The following TRPM6 variants were observed in gnomAD, a reference collection of about 807,000 sequenced individuals.
TRPM6 encodes the protein channel kinase 2.
Under a neutral mutation model 247.6 loss-of-function variants are expected in TRPM6, and 111 were observed. The observed-to-expected ratio is 0.45, with a 90% CI of 0.38 to 0.52. The LOEUF is 0.52. TRPM6 is among the 20% of genes least tolerant of loss of function. The pLI is 0.00. For missense variants in TRPM6, 2,126 were observed against 2,421.5 expected, an observed-to-expected ratio of 0.88 and a Z score of 2.56; for synonymous variants, 892 against 853.8, an observed-to-expected ratio of 1.04 and a Z score of -0.78.
intron 36 of TRPM6, chr9:74,737,459 G>A: frequency 7.8e-7 from 1 of 1,289,296 alleles, no homozygotes; most frequent in African/African-American, 1.5e-5. Context: ...AGCTGGGAAA[G>A]TCAGACAGGA....
intron 25 of TRPM6, among the ~76,000 whole-genome samples, chr9:74,768,281 T>C (rs1826896100): frequency 6.6e-6 from 1 of 152,206 alleles, no homozygotes; most frequent in Non-Finnish European, 1.5e-5. Flanking sequence ...GTTTTAACTC[T>C]CAGCTCACTA....
intron 15 of TRPM6, 107 bp downstream of exon 15, chr9:74,803,687 T>C (rs1223230573): frequency 4.8e-6 from 4 of 839,244 alleles, no homozygotes; most frequent in African/African-American, 1.7e-5. Context: ...ATGGCACTTA[T>C]AAATGGTCCC....
At chr9:74,887,533 C>T (rs1406088408) in intron 1 of TRPM6, 1 of 1,301,052 alleles carries the variant, frequency 7.7e-7, no homozygotes, top group South Asian at 1.3e-5. Flanking sequence ...AACCCCCGAC[C>T]CCCGCTAGGT....
chr9:74,839,993 G>A (rs778848710), intron 5 of TRPM6, 31 bp downstream of exon 5: 5 of 1,524,834 alleles, frequency 3.3e-6, no homozygotes, highest in African/African-American at 2.7e-5. Context: ...GTGAAAGAGA[G>A]GGTGGGAGAA....
chr9:74,837,453 C>CT lies in TRPM6; in HGVS notation c.544+2570dup, dbSNP rs569656557. 1.6e-3 allele frequency among the ~76,000 whole-genome samples: 233 copies of CT among 145,602 alleles called. 1 individual carries two copies. Among genetic ancestry groups the CT allele is most frequent in the South Asian group, 5.2e-3 (24 of 4,600 alleles). Reference sequence around the variant, plus strand: ...GATTGTTTTATGTTGTTGTTGTTTTCTTTTTTTTTTTTGAGACGGAGTCTC... The same window carrying CT: ...GATTGTTTTATGTTGTTGTTGTTTTCTTTTTTTTTTTTTGAGACGGAGTCTC... On this transcript the variant is annotated intron_variant, in intron 5 of 38. Coordinates refer to ENST00000360774, the MANE Select transcript of TRPM6 (RefSeq NM_017662.5).
At chr9:74,767,265 A>T (rs1440383414) in intron 25 of TRPM6, among the ~76,000 whole-genome samples, 2 of 152,214 alleles carry the variant, frequency 1.3e-5, no homozygotes, top group East Asian at 3.8e-4. Flanking sequence ...AATGTACCAA[A>T]CATGCTTAAT....
intron 26 of TRPM6, 70 bp from the exon 27 acceptor site, chr9:74,761,878 G>T: frequency 6.6e-7 from 1 of 1,509,598 alleles, no homozygotes; most frequent in Non-Finnish European, 9.2e-7. Flanking sequence ...TACAGAAAAA[G>T]CTGAGAGAAT....
chr9:74,879,090 A>G (rs1831279250), intron 1 of TRPM6, among the ~76,000 whole-genome samples: 1 of 152,112 alleles, frequency 6.6e-6, no homozygotes. Context: ...CAGAAAATTC[A>G]GGATACAAAT....
At chr9:74,817,342 T>C (rs920191436) in intron 9 of TRPM6, among the ~76,000 whole-genome samples, 1 of 152,210 alleles carries the variant, frequency 6.6e-6, no homozygotes, top group Non-Finnish European at 1.5e-5. Context: ...CTAAGACTTT[T>C]GCTTTTTTTT....
At position 74,772,077 on chromosome 9, in the gene TRPM6, C is replaced by T. The variant is rs144114628; in HGVS notation, c.3404-242G>A. On this transcript the variant is annotated intron_variant, in intron 24 of 38. Coordinates refer to ENST00000360774, the MANE Select transcript of TRPM6 (RefSeq NM_017662.5). ...GCTGAGCAGGGGTGGATCGCTTGAG[C>T]TCAGGAATTAGAAACCAGCCTGGGC... is the stretch of plus-strand genomic sequence containing the variant. 2.8e-3 allele frequency among the ~76,000 whole-genome samples: 420 copies of T among 152,236 alleles called. 3 individuals are homozygous for T. The highest frequency in any genetic ancestry group is 9.6e-3 in the African/African-American group (398 of 41,526).
chr9:74,726,376 G>A (rs1046757553), intron 38 of TRPM6, among the ~76,000 whole-genome samples: 4 of 152,132 alleles, frequency 2.6e-5, no homozygotes, highest in African/African-American at 9.7e-5. Flanking sequence ...TGGGCGTGGT[G>A]GCGGGCGCCT....
At chr9:74,828,785 C>G (rs966434809) in intron 6 of TRPM6, among the ~76,000 whole-genome samples, 1 of 151,930 alleles carries the variant, frequency 6.6e-6, no homozygotes, top group Non-Finnish European at 1.5e-5. Flanking sequence ...CACATCTCCA[C>G]GCTTGGCTAA....
At chr9:74,880,594 T>A (rs1035604311) in intron 1 of TRPM6, among the ~76,000 whole-genome samples, 20 of 152,168 alleles carry the variant, frequency 1.3e-4, no homozygotes, top group African/African-American at 4.8e-5. Context: ...AGCAATGTTA[T>A]CCTTCATAAA....
intron 18 of TRPM6, among the ~76,000 whole-genome samples, chr9:74,793,494 G>T (rs1233350733): frequency 6.6e-6 from 1 of 152,082 alleles, no homozygotes; most frequent in Non-Finnish European, 1.5e-5. Context: ...TGGGCTTACA[G>T]TCACCCGCCA....
At chr9:74,787,738 C>T (rs146052552) in intron 20 of TRPM6, among the ~76,000 whole-genome samples, 2,297 of 152,258 alleles carry the variant, frequency 0.015, 36 homozygotes, top group African/African-American at 0.042. Flanking sequence ...TTGTTTGAGA[C>T]GGAGTCTCGC....
intron 1 of TRPM6, among the ~76,000 whole-genome samples, chr9:74,886,158 C>G (rs1158602590): frequency 2.0e-5 from 3 of 152,174 alleles, no homozygotes; most frequent in Admixed American, 2.0e-4. Context: ...CCTTGTCTAT[C>G]AAGACAAGTT....
chr9:74,785,683 C>G (rs564974916), intron 21 of TRPM6, among the ~76,000 whole-genome samples, 191 bp downstream of exon 21: 13 of 152,062 alleles, frequency 8.5e-5, no homozygotes, highest in Non-Finnish European at 2.9e-5. Context: ...CCACCATGCC[C>G]GGCTAATTTT....
intron 13 of TRPM6, among the ~76,000 whole-genome samples, chr9:74,809,637 T>C (rs940994107): frequency 5.3e-5 from 8 of 152,046 alleles, no homozygotes; most frequent in African/African-American, 1.9e-4. Context: ...CATAAATCAA[T>C]ACAAACTAAA....
chr9:74,858,572 T>C (rs1830598228), intron 2 of TRPM6, 97 bp downstream of exon 2: 4 of 709,968 alleles, frequency 5.6e-6, no homozygotes, highest in Non-Finnish European at 9.5e-6. Flanking sequence ...TTTATAGATA[T>C]GATCAAAACT....
Sources: allele counts gnomAD v4.1 joint callset (sites outside exome capture counted in the v4.1 genomes callset), GRCh38; gene constraint gnomAD v4.1.1; transcripts MANE v1.5; gene names NCBI Gene and HGNC (gene_info 2026-07-23, HGNC 2026-07-21).